The following TAFA2 variants were observed in gnomAD, a reference collection of about 807,000 sequenced individuals.
TAFA2 encodes TAFA chemokine like family member 2, also known as chemokine-like protein TAFA-2.
In TAFA2, 7 loss-of-function variants were observed where a neutral mutation model predicts 18.8. The ratio of observed to expected loss-of-function variants is 0.37; its 90% CI spans 0.21 to 0.70. TAFA2 has a LOEUF of 0.70. Ranked by LOEUF, TAFA2 falls within the 30% of genes least tolerant of loss-of-function variation. TAFA2 has a pLI of 0.53. For missense variants in TAFA2, 122 were observed against 158.1 expected (o/e 0.77, Z 1.23); for synonymous variants, 60 against 54.2 (o/e 1.11, Z -0.47).
intron 1 of TAFA2, among the ~76,000 whole-genome samples, chr12:62,113,955 G>A (rs1285292076): frequency 6.6e-6 from 1 of 152,196 alleles, no homozygotes; most frequent in Non-Finnish European, 1.5e-5. Flanking sequence ...CACTGAGCTA[G>A]ACCACTTGGC....
At chr12:62,070,891 C>G (rs952484850) in intron 1 of TAFA2, among the ~76,000 whole-genome samples, 3 of 151,998 alleles carry the variant, frequency 2.0e-5, no homozygotes, top group Non-Finnish European at 4.4e-5. Context: ...TCAGCTGCAC[C>G]AAATTTCAGA....
rs559991167 is a variant in TAFA2, at chr12:62,099,086, T to TA, written c.-2+92172dup. 1.7e-4 allele frequency among the ~76,000 whole-genome samples: 26 copies of TA among 152,280 alleles called. No individual in the cohort carries two copies. The East Asian group carries it at 4.4e-3, about 26-fold the overall frequency. On this transcript the variant is annotated intron_variant, in intron 1 of 4. Coordinates refer to ENST00000416284, the MANE Select transcript of TAFA2 (RefSeq NM_178539.5). Reference sequence around the variant, plus strand: ...AATCCAGTACATGTCATAAAAGACCTAAAATGCCATGACAGAAAGAGACTT... The same window carrying TA: ...AATCCAGTACATGTCATAAAAGACCTAAAAATGCCATGACAGAAAGAGACTT...
chr12:62,093,144 A>G (rs1868793431), intron 1 of TAFA2, among the ~76,000 whole-genome samples: 1 of 152,012 alleles, frequency 6.6e-6, no homozygotes, highest in Admixed American at 6.6e-5. Context: ...TTTCTTTTAC[A>G]ATGCTTTATT....
intron 2 of TAFA2, among the ~76,000 whole-genome samples, chr12:61,852,831 T>C (rs944240969): frequency 6.6e-6 from 1 of 152,198 alleles, no homozygotes; most frequent in East Asian, 1.9e-4. Flanking sequence ...TAGAAAGATA[T>C]TGTTAAATGA....
chr12:62,217,096 T>C (rs888207168), intron 1 of TAFA2, among the ~76,000 whole-genome samples: 12 of 152,238 alleles, frequency 7.9e-5, no homozygotes, highest in African/African-American at 2.9e-4. Flanking sequence ...TATTCCTCTT[T>C]GGCTAACATG....
chr12:61,778,261 TC>T (rs1443685872), intron 2 of TAFA2, among the ~76,000 whole-genome samples: 6 of 151,792 alleles, frequency 4.0e-5, no homozygotes, highest in Admixed American at 3.9e-4. Context: ...TCTTGTACTA[TC>T]TCTCGAGCCT....
intron 1 of TAFA2, among the ~76,000 whole-genome samples, chr12:61,964,082 G>T (rs1878987160): frequency 6.6e-6 from 1 of 151,906 alleles, no homozygotes; most frequent in South Asian, 2.1e-4. Flanking sequence ...ACTCAAGATG[G>T]ATTAAAGACT....
At chr12:62,235,657 T>G (rs1310757264) in intron 1 of TAFA2, 3 of 209,094 alleles carry the variant, frequency 1.4e-5, no homozygotes, top group Non-Finnish European at 2.9e-5. Flanking sequence ...TCTTCCTCAG[T>G]GGTTAAATGA....
At chr12:62,102,318 T>C (rs1197579362) in intron 1 of TAFA2, among the ~76,000 whole-genome samples, 3 of 152,192 alleles carry the variant, frequency 2.0e-5, no homozygotes, top group African/African-American at 7.2e-5. Flanking sequence ...AGCTGCAATA[T>C]CATGACTTTT....
chr12:62,060,523 T>C (rs1297070605), intron 1 of TAFA2, among the ~76,000 whole-genome samples: 2 of 152,162 alleles, frequency 1.3e-5, no homozygotes, highest in Non-Finnish European at 2.9e-5. Flanking sequence ...TAAATGACAA[T>C]GTTATTGGTT....
rs75218181 is a variant in TAFA2 at position 61,791,232 on chromosome 12, G to A, written c.107-36208C>T. Among the ~76,000 whole-genome samples, 938 of 151,862 alleles carry A rather than the reference G, an allele frequency of 6.2e-3. 3 individuals carry two copies. The highest frequency in any genetic ancestry group is 0.022 in the African/African-American group (894 of 41,470). On this transcript the variant is annotated intron_variant, in intron 2 of 4. Transcript: ENST00000416284. The stretch of plus-strand genomic sequence containing the variant: ...AAATGGATTAAAGACTTAAATATGA[G>A]ACCTGAAACTATAAAACTGCTAGAA...
At chr12:62,172,086 G>A (rs2062481666) in intron 1 of TAFA2, among the ~76,000 whole-genome samples, 1 of 152,094 alleles carries the variant, frequency 6.6e-6, no homozygotes, top group African/African-American at 2.4e-5. Context: ...CAAAATCTCT[G>A]TGTCAAAAAG....
Position 62,033,826 on chromosome 12 carries a change from C to A in TAFA2, c.-2+157433G>T, listed in dbSNP as rs182267732. 6.6e-5 allele frequency among the ~76,000 whole-genome samples: 10 copies of A among 152,148 alleles called. 1 individual carries two copies. The highest frequency in any genetic ancestry group is 2.1e-4 in the South Asian group (1 of 4,824). ...TTAGCCTATAAAAATCTATTTGAAC[C>A]ATTATGTACCTACTCCAAGTACACA... On this transcript the variant is annotated intron_variant, in intron 1 of 4. Transcript: ENST00000416284.
intron 1 of TAFA2, among the ~76,000 whole-genome samples, chr12:62,069,627 A>G (rs1027201120): frequency 2.0e-5 from 3 of 152,166 alleles, no homozygotes; most frequent in African/African-American, 7.2e-5. Context: ...CAGAAAACAT[A>G]TAAATTCCTT....
chr12:61,734,370 C>G (rs61940887), intron 4 of TAFA2, among the ~76,000 whole-genome samples: 36,678 of 93,202 alleles, frequency 0.39, 5,844 homozygotes, highest in Admixed American at 0.46. Flanking sequence ...GTTGTGGGGT[C>G]GGGGGAGGGG....
chr12:62,138,668 C>T (rs1044881957), intron 1 of TAFA2, among the ~76,000 whole-genome samples: 2 of 152,162 alleles, frequency 1.3e-5, no homozygotes, highest in African/African-American at 4.8e-5. Flanking sequence ...AGGAGGGCTG[C>T]CTCTCAACAC....
chr12:61,721,808 T>C (rs1381995202), intron 4 of TAFA2, among the ~76,000 whole-genome samples: 1 of 151,946 alleles, frequency 6.6e-6, no homozygotes, highest in Admixed American at 6.6e-5. Context: ...GTACAAAAAA[T>C]TAGCTGGGGG....
At chr12:61,822,719 G>A (rs543497250) in intron 2 of TAFA2, among the ~76,000 whole-genome samples, 8 of 152,062 alleles carry the variant, frequency 5.3e-5, no homozygotes, top group Non-Finnish European at 1.0e-4. Flanking sequence ...GCTTTCCAGA[G>A]ACTAGGAAAT....
chr12:61,764,226 TGATTGATA>T lies in TAFA2; in HGVS notation c.107-9210_107-9203del, dbSNP rs1021608099. On this transcript the variant is annotated intron_variant, in intron 2 of 4. Transcript: ENST00000416284. Reference sequence around the variant, plus strand: ...AATGGTCCATTTTAGATTAGATGATTGATTGATAGATAGATAGATAGATAGATAGATAG... The same window carrying T: ...AATGGTCCATTTTAGATTAGATGATTGATAGATAGATAGATAGATAGATAG... Among the ~76,000 whole-genome samples, 7 of 30,396 alleles carry T rather than the reference TGATTGATA, an allele frequency of 2.3e-4. No homozygotes were observed. In the East Asian group the frequency reaches 4.4e-3, roughly 19 times the overall value. The allele number at this position is 30,396 out of a possible 152,430, so 19.9% of individuals were successfully genotyped here.
Sources: gnomAD v4.1 joint callset for allele counts (sites outside exome capture counted in the v4.1 genomes callset) on GRCh38, gnomAD v4.1.1 for gene constraint, MANE v1.5 for transcripts, NCBI Gene and HGNC (gene_info 2026-07-23, HGNC 2026-07-21) for gene names.